The following MFSD6 variants were observed in gnomAD, a reference collection of about 807,000 sequenced individuals.
MFSD6 encodes the protein major facilitator superfamily domain containing 6.
In MFSD6, 26 loss-of-function variants were observed where a neutral mutation model predicts 56.3. The observed-to-expected ratio is 0.46, with a 90% confidence interval of 0.34 to 0.64. MFSD6 has a LOEUF of 0.64. Ranked by LOEUF, MFSD6 falls within the 30% of genes least tolerant of loss-of-function variation. The probability of loss-of-function intolerance (pLI) is 0.01; values close to 1 mark genes in which losing one functional copy is unlikely to be tolerated. For missense variants in MFSD6, 750 were observed against 986.2 expected, an observed-to-expected ratio of 0.76 and a Z score of 3.21; for synonymous variants, 331 against 366.9, an observed-to-expected ratio of 0.90 and a Z score of 1.12.
intron 3 of MFSD6, among the ~76,000 whole-genome samples, chr2:190,466,356 T>C (rs1574170189): frequency 6.6e-6 from 1 of 152,220 alleles, no homozygotes; most frequent in East Asian, 1.9e-4. Context: ...TCAGTGACTA[T>C]TCAGTAAATA....
At chr2:190,476,484 C>A (rs1438509070) in intron 4 of MFSD6, among the ~76,000 whole-genome samples, 1 of 152,142 alleles carries the variant, frequency 6.6e-6, no homozygotes, top group Non-Finnish European at 1.5e-5. Context: ...CAGAGAAATG[C>A]AAATCAAAAC....
chr2:190,434,435 T>C lies in MFSD6; in HGVS notation c.-53-1542T>C, dbSNP rs1164014541. On this transcript the variant is annotated intron_variant, in intron 2 of 7. Transcript: ENST00000392328. This position sits in a 1 kb window ranked among gnomAD's most constrained non-coding sequence, Gnocchi z 4.3. ...ATATGAAAAACATTTATTTATTTTA[T>C]TTTATTTATTTATTTTTTTGAGACG... 2.0e-5 allele frequency among the ~76,000 whole-genome samples: 3 copies of C among 152,138 alleles called. No individual in the cohort carries two copies. The highest frequency in any genetic ancestry group is 4.4e-5 in the Non-Finnish European group (3 of 68,034).
chr2:190,411,054 C>CA (rs1315329612), intron 1 of MFSD6: 80 of 927,088 alleles, frequency 8.6e-5, no homozygotes, highest in East Asian at 2.6e-4. Flanking sequence ...GACTCTATCT[C>CA]AAAAAAAAGA....
chr2:190,497,568 C>T lies in MFSD6; in HGVS notation c.2021C>T (p.Thr674Ile). Residue 674 changes from threonine (T) to isoleucine (I), a missense_variant, in exon 7 of 8, where the codon ACT becomes ATT. Around this residue, in one of 5 missense-constraint regions of MFSD6, gnomAD observed 172 missense variants for 203.9 expected, o/e 0.84. Coordinates refer to ENST00000392328, the MANE Select transcript of MFSD6 (RefSeq NM_017694.4). The surrounding 1 kb of genome is among the most constrained non-coding windows in gnomAD (Gnocchi z 5.2). ...RIEPRLPPKK[T>I]KHQEEQEDVN... ...GAGCCCAGACTTCCACCCAAGAAAA[C>T]TAAGCACCAGGAAGAACAGGAAGAT... The T allele has an allele frequency of 6.2e-7, 1 of 1,614,192 alleles. No homozygotes were observed. Among genetic ancestry groups the T allele is most frequent in the Non-Finnish European group, 8.5e-7 (1 of 1,180,034 alleles).
At chr2:190,484,166 A>T (rs528944381) in intron 4 of MFSD6, among the ~76,000 whole-genome samples, 5 of 152,312 alleles carry the variant, frequency 3.3e-5, no homozygotes, top group Non-Finnish European at 5.9e-5. Flanking sequence ...GCCATGGAAG[A>T]GTTAACACAT....
intron 3 of MFSD6, among the ~76,000 whole-genome samples, chr2:190,444,310 G>A (rs75620693): frequency 6.6e-6 from 1 of 152,172 alleles, no homozygotes; most frequent in Non-Finnish European, 1.5e-5. Flanking sequence ...GAGTATTCTT[G>A]GTCATGGCCC....
Position 190,436,568 on chromosome 2 carries a change from C to T in MFSD6, c.539C>T (p.Pro180Leu). 1 of 1,614,198 alleles carries T rather than the reference C, an allele frequency of 6.2e-7. No homozygotes were observed. Among genetic ancestry groups the T allele is most frequent in the South Asian group, 1.1e-5 (1 of 91,082 alleles). The change falls in exon 3 of 8, where the codon CCA (proline) becomes CTA (leucine). Residue 180 changes from proline (P) to leucine (L), a missense_variant. Physicochemically the swap from Pro to Leu is moderately conservative, Grantham distance 98. Coordinates refer to ENST00000392328, the MANE Select transcript of MFSD6 (RefSeq NM_017694.4). The surrounding 1 kb of genome is among the most constrained non-coding windows in gnomAD (Gnocchi z 5.3). ...TNASHQLTIL[P>L]TNSSFTSFLT... ...GCAAGTCACCAGTTAACTATCCTGCCAACAAATTCTTCCTTTACCTCTTTC... is the reference window on the plus strand; with the variant it reads ...GCAAGTCACCAGTTAACTATCCTGCTAACAAATTCTTCCTTTACCTCTTTC...
Position 190,497,415 on chromosome 2 carries a change from G to GT in MFSD6, c.1892-21dup. ...ATATGTAGAAAATGCTGAAAAAATA[G>GT]TTTAAACATTCTTTTCTCTCCAGAC... On this transcript the variant is annotated intron_variant, in intron 6 of 7. Coordinates refer to ENST00000392328, the MANE Select transcript of MFSD6 (RefSeq NM_017694.4). The surrounding 1 kb of genome is among the most constrained non-coding windows in gnomAD (Gnocchi z 5.2). 1 of 1,603,734 alleles carries GT rather than the reference G, an allele frequency of 6.2e-7. No individual in the cohort carries two copies. The highest frequency in any genetic ancestry group is 8.5e-7 in the Non-Finnish European group (1 of 1,174,310).
Position 190,447,549 on chromosome 2 carries a change from T to C in MFSD6, c.1532+9988T>C, listed in dbSNP as rs1686629545. On this transcript the variant is annotated intron_variant, in intron 3 of 7. Coordinates refer to ENST00000392328, the MANE Select transcript of MFSD6 (RefSeq NM_017694.4). The surrounding 1 kb of genome is among the most constrained non-coding windows in gnomAD (Gnocchi z 4.5). ...TACCTAGTGATATAAAGAAGCCACA[T>C]TAAAAAATAAATTGCTTATATACTT... Among the ~76,000 whole-genome samples the C allele has an allele frequency of 6.6e-6, 1 of 152,250 alleles. No homozygotes were observed. Among genetic ancestry groups the C allele is most frequent in the African/African-American group, 2.4e-5 (1 of 41,464 alleles).
At position 190,410,399 on chromosome 2, in the gene MFSD6, A is replaced by G. The variant is rs1017908964; in HGVS notation, c.-176+1896A>G. 4.6e-5 allele frequency among the ~76,000 whole-genome samples: 7 copies of G among 152,232 alleles called. No homozygotes were observed. The highest frequency in any genetic ancestry group is 1.4e-4 in the African/African-American group (6 of 41,462). On this transcript the variant is annotated intron_variant, in intron 1 of 7. Coordinates refer to ENST00000392328, the MANE Select transcript of MFSD6 (RefSeq NM_017694.4). This position sits in a 1 kb window ranked among gnomAD's most constrained non-coding sequence, Gnocchi z 4.4. ...TGGCTCCAAAGCCCAGGAAATTTCC[A>G]CATGGTGTCCCTCCCTAATCAGAAC... is the stretch of plus-strand genomic sequence containing the variant.
chr2:190,415,601 C>G lies in MFSD6; in HGVS notation c.-54+188C>G, dbSNP rs1027198488. 6.6e-6 allele frequency among the ~76,000 whole-genome samples: 1 copy of G among 152,074 alleles called. No homozygotes were observed. Among genetic ancestry groups the G allele is most frequent in the Non-Finnish European group, 1.5e-5 (1 of 68,002 alleles). On this transcript the variant is annotated intron_variant, in intron 2 of 7. Coordinates refer to ENST00000392328, the MANE Select transcript of MFSD6 (RefSeq NM_017694.4). The surrounding 1 kb of genome is among the most constrained non-coding windows in gnomAD (Gnocchi z 4.5). ...TTATTTTATGGGCTAAGTAATAAAC[C>G]TTTTTCTGAAACTAATTATATCATT... is the stretch of plus-strand genomic sequence containing the variant.
intron 4 of MFSD6, chr2:190,477,432 C>A: frequency 1.1e-6 from 1 of 882,242 alleles, no homozygotes; most frequent in African/African-American, 1.8e-5. Flanking sequence ...ATGCATATAA[C>A]TTTTTTATCC....
intron 3 of MFSD6, among the ~76,000 whole-genome samples, chr2:190,441,687 G>A (rs988507886): frequency 2.6e-5 from 4 of 152,066 alleles, no homozygotes; most frequent in Non-Finnish European, 5.9e-5. Context: ...CTTTCTCCAC[G>A]TGGGTACTCT....
At chr2:190,460,480 T>C (rs974270960) in intron 3 of MFSD6, among the ~76,000 whole-genome samples, 4 of 152,198 alleles carry the variant, frequency 2.6e-5, no homozygotes, top group African/African-American at 9.7e-5. Flanking sequence ...TCAATAAGTA[T>C]TTGTTAATTG....
rs532253744 is a variant in MFSD6, at chr2:190,458,333, C to T, written c.1533-11425C>T. 2.0e-5 allele frequency among the ~76,000 whole-genome samples: 3 copies of T among 151,972 alleles called. No individual in the cohort carries two copies. The highest frequency in any genetic ancestry group is 1.9e-4 in the East Asian group (1 of 5,192). On this transcript the variant is annotated intron_variant, in intron 3 of 7. Transcript: ENST00000392328. The surrounding 1 kb of genome is among the most constrained non-coding windows in gnomAD (Gnocchi z 5.3). ...CCTCATCTGTTATGAGCAGTGTCCT[C>T]GTGAGAAGAGATTGGGGCCACAGAT...
intron 3 of MFSD6, among the ~76,000 whole-genome samples, chr2:190,441,605 A>C (rs974036448): frequency 1.3e-5 from 2 of 152,110 alleles, no homozygotes; most frequent in African/African-American, 4.8e-5. Context: ...TTACTTATGT[A>C]CATGTGCTGG....
intron 6 of MFSD6, among the ~76,000 whole-genome samples, chr2:190,493,191 A>G (rs532980231): frequency 6.6e-6 from 1 of 152,106 alleles, no homozygotes; most frequent in African/African-American, 2.4e-5. Context: ...GGAAAAAGAC[A>G]TTCCATGCAA....
In MFSD6 at chr2:190,436,213, G is replaced by T. The variant is rs774194474; in HGVS notation, c.184G>T (p.Val62Phe). The change falls in exon 3 of 8, where the codon GTT (valine) becomes TTT (phenylalanine). Residue 62 changes from valine to phenylalanine, a missense_variant. Transcript: ENST00000392328. The surrounding 1 kb of genome is among the most constrained non-coding windows in gnomAD (Gnocchi z 5.3). ...EEIDWIEKHC[V>F]KINNDLLISK... ...AATAGACTGGATAGAGAAACATTGTGTTAAGATAAACAACGATCTTCTAAT... is the reference window on the plus strand; with the variant it reads ...AATAGACTGGATAGAGAAACATTGTTTTAAGATAAACAACGATCTTCTAAT... 3 of 1,614,192 alleles carry T rather than the reference G, an allele frequency of 1.9e-6. No homozygotes were observed. The highest frequency in any genetic ancestry group is 2.5e-6 in the Non-Finnish European group (3 of 1,180,004).
At chr2:190,430,574 G>C (rs1164477654) in intron 2 of MFSD6, among the ~76,000 whole-genome samples, 2 of 152,048 alleles carry the variant, frequency 1.3e-5, no homozygotes, top group Non-Finnish European at 2.9e-5. Flanking sequence ...TCTTAGTACA[G>C]AACAAAATGA....
Sources: gnomAD v4.1 joint callset for allele counts (sites outside exome capture counted in the v4.1 genomes callset) on GRCh38, gnomAD v4.1.1 for gene constraint, gnomAD v4.1.1 regional missense constraint, Gnocchi (gnomAD v3.1) non-coding constraint, MANE v1.5 for transcripts, NCBI Gene and HGNC (gene_info 2026-07-23, HGNC 2026-07-21) for gene names.